The following MRPL48 variants were observed in gnomAD, a reference collection of about 807,000 sequenced individuals.
MRPL48 encodes the protein mitochondrial ribosomal protein L48.
MRPL48 carries 16 observed loss-of-function variants against 32.9 expected under a neutral mutation model. The observed-to-expected ratio is 0.49, with a 90% CI of 0.33 to 0.74. MRPL48 has a LOEUF of 0.74. MRPL48 is among the 30% of genes least tolerant of loss of function. The probability of loss-of-function intolerance (pLI) is 0.02; values close to 1 mark genes in which losing one functional copy is unlikely to be tolerated. For missense variants in MRPL48, 206 were observed against 245.3 expected (o/e 0.84, Z 1.07); for synonymous variants, 94 against 89.2 (o/e 1.05, Z -0.31).
intron 5 of MRPL48, among the ~76,000 whole-genome samples, chr11:73,857,722 G>A (rs1183298689): frequency 4.0e-5 from 6 of 150,668 alleles, no homozygotes; most frequent in Admixed American, 6.6e-5. Flanking sequence ...AGCCTCCTGC[G>A]TAGCTGGGAT....
chr11:73,847,936 T>C (rs1018802122), intron 5 of MRPL48, among the ~76,000 whole-genome samples: 4 of 152,204 alleles, frequency 2.6e-5, no homozygotes, highest in Non-Finnish European at 5.9e-5. Flanking sequence ...CTATGACTTA[T>C]CTTGTTGTCC....
intron 4 of MRPL48, 120 bp from the exon 5 acceptor site, chr11:73,844,687 C>T: frequency 8.4e-7 from 1 of 1,185,612 alleles, no homozygotes; most frequent in Non-Finnish European, 1.2e-6. Flanking sequence ...GGTGGGGTAA[C>T]CTGAGAGCAA....
chr11:73,807,211 G>A (rs2134966463), intron 2 of MRPL48, among the ~76,000 whole-genome samples: 1 of 152,162 alleles, frequency 6.6e-6, no homozygotes, highest in African/African-American at 2.4e-5. Flanking sequence ...TACATTTGGT[G>A]GTTTATTTCT....
chr11:73,857,905 A>G (rs949289344), intron 5 of MRPL48, among the ~76,000 whole-genome samples: 1 of 152,094 alleles, frequency 6.6e-6, no homozygotes, highest in Admixed American at 6.6e-5. Context: ...TTCTTTGCCC[A>G]TCAGGGTGCC....
chr11:73,813,998 G>A (rs978383724), intron 3 of MRPL48, among the ~76,000 whole-genome samples: 1 of 144,178 alleles, frequency 6.9e-6, no homozygotes. Flanking sequence ...CCGAGATCTC[G>A]CCACTGCACT....
intron 5 of MRPL48, among the ~76,000 whole-genome samples, chr11:73,846,475 C>T (rs868726079): frequency 6.6e-5 from 10 of 152,080 alleles, no homozygotes; most frequent in South Asian, 4.2e-4. Context: ...TCTGCCTCAG[C>T]CTCCCAAGTA....
chr11:73,803,998 C>T (rs1288998763), intron 1 of MRPL48, among the ~76,000 whole-genome samples: 1 of 152,158 alleles, frequency 6.6e-6, no homozygotes, highest in Non-Finnish European at 1.5e-5. Context: ...CGGCTCACTG[C>T]AACCTCCGCC....
At chr11:73,815,785 A>T (rs956161301) in intron 3 of MRPL48, among the ~76,000 whole-genome samples, 1 of 150,892 alleles carries the variant, frequency 6.6e-6, no homozygotes, top group African/African-American at 2.4e-5. Flanking sequence ...GTGTAGTGGC[A>T]CCATCACAGC....
At chr11:73,800,848 G>T (rs1723832) in intron 1 of MRPL48, among the ~76,000 whole-genome samples, 2 of 127,042 alleles carry the variant, frequency 1.6e-5, no homozygotes, top group East Asian at 2.5e-4. Flanking sequence ...TTTCGCTCTT[G>T]TTGCCCAGGC....
chr11:73,858,431 T>C (rs1948523072), intron 5 of MRPL48, among the ~76,000 whole-genome samples: 1 of 152,248 alleles, frequency 6.6e-6, no homozygotes, highest in Non-Finnish European at 1.5e-5. Context: ...TAGGTAATAA[T>C]TGGCAGAGCC....
chr11:73,814,559 G>A (rs1007375152), intron 3 of MRPL48, among the ~76,000 whole-genome samples: 2 of 151,864 alleles, frequency 1.3e-5, no homozygotes, highest in African/African-American at 4.8e-5. Flanking sequence ...GCCAGGCATG[G>A]TGATGCATGC....
At chr11:73,793,418 A>G (rs1327103645) in intron 1 of MRPL48, among the ~76,000 whole-genome samples, 1 of 152,202 alleles carries the variant, frequency 6.6e-6, no homozygotes, top group Non-Finnish European at 1.5e-5. Flanking sequence ...TTAACTGACT[A>G]TGATAAATGC....
chr11:73,812,529 T>A (rs946789235), intron 3 of MRPL48, among the ~76,000 whole-genome samples: 2 of 151,820 alleles, frequency 1.3e-5, no homozygotes, highest in Non-Finnish European at 2.9e-5. Flanking sequence ...CGGCCCAAAC[T>A]GGGTTTTATA....
intron 1 of MRPL48, among the ~76,000 whole-genome samples, chr11:73,798,755 G>T (rs962939411): frequency 1.3e-5 from 2 of 152,124 alleles, no homozygotes; most frequent in Non-Finnish European, 2.9e-5. Context: ...ACTTTGGGAG[G>T]CTGAGGTGGG....
At chr11:73,851,431 T>C (rs752109021) in intron 5 of MRPL48, among the ~76,000 whole-genome samples, 4 of 152,224 alleles carry the variant, frequency 2.6e-5, no homozygotes, top group Non-Finnish European at 5.9e-5. Flanking sequence ...AGAGTGCAAC[T>C]GTGCTAAAAG....
intron 4 of MRPL48, among the ~76,000 whole-genome samples, chr11:73,841,510 C>G (rs184079682): frequency 8.2e-4 from 125 of 152,238 alleles, no homozygotes; most frequent in Admixed American, 1.4e-3. Context: ...TCTTATGAAC[C>G]TAATGAATGA....
chr11:73,864,452 G>T lies in MRPL48; in HGVS notation c.*82G>T. 1 of 1,377,002 alleles carries T rather than the reference G, an allele frequency of 7.3e-7. No individual in the cohort carries two copies. Among genetic ancestry groups the T allele is most frequent in the East Asian group, 2.4e-5 (1 of 42,214 alleles). The allele number at this position is 1,377,002 out of a possible 1,614,324, so 85.3% of individuals were successfully genotyped here. A position where few individuals can be genotyped will look rare whatever the true frequency, so the allele number is the denominator to read the frequency against. ...TTACTGGGTAGTTAGAGTTCATCAG[G>T]AGACCCAACCCTTAGATTTCATAAG... is the stretch of plus-strand genomic sequence containing the variant. On this transcript the variant is annotated 3_prime_UTR_variant, in exon 8 of 8. Coordinates refer to ENST00000310614, the MANE Select transcript of MRPL48 (RefSeq NM_016055.6).
At chr11:73,840,566 C>G (rs1948170587) in intron 4 of MRPL48, among the ~76,000 whole-genome samples, 1 of 152,138 alleles carries the variant, frequency 6.6e-6, no homozygotes, top group South Asian at 2.1e-4. Flanking sequence ...GTGGTGTGAT[C>G]TCAGCTCATT....
intron 4 of MRPL48, 57 bp from the exon 5 acceptor site, chr11:73,844,747 GTAT>G (rs1450165999): frequency 2.6e-6 from 4 of 1,512,442 alleles, no homozygotes; most frequent in Non-Finnish European, 3.6e-6. Flanking sequence ...TATCAAGATA[GTAT>G]TATTAGAATT....
Sources: gnomAD v4.1 joint callset for allele counts (sites outside exome capture counted in the v4.1 genomes callset) on GRCh38, gnomAD v4.1.1 for gene constraint, MANE v1.5 for transcripts, NCBI Gene and HGNC (gene_info 2026-07-23, HGNC 2026-07-21) for gene names.